The following PIWIL3 variants were observed in gnomAD, a reference collection of about 807,000 sequenced individuals.
PIWIL3 encodes piwi-like protein 3.
In PIWIL3, 101 loss-of-function variants were observed where a neutral mutation model predicts 109.7. That is an observed-to-expected ratio of 0.92 (90% CI 0.78 to 1.09). PIWIL3 has a LOEUF of 1.09. Ranked by LOEUF, PIWIL3 falls within the 50% of genes least tolerant of loss-of-function variation. PIWIL3 has a pLI of 0.00. For missense variants in PIWIL3, 1,031 were observed against 1,072.6 expected (o/e 0.96, Z 0.54); for synonymous variants, 373 against 376.4 (o/e 0.99, Z 0.10).
At chr22:24,759,774 G>A in intron 3 of PIWIL3, 95 bp downstream of exon 3, 1 of 1,552,642 alleles carries the variant, frequency 6.4e-7, no homozygotes. Flanking sequence ...AAACCTCACG[G>A]GAGTCCTGAG....
intron 1 of PIWIL3, among the ~76,000 whole-genome samples, chr22:24,765,576 G>A (rs1178473425): frequency 1.3e-5 from 2 of 151,462 alleles, no homozygotes; most frequent in Non-Finnish European, 3.0e-5. Flanking sequence ...GTAGATTGGG[G>A]TTGGGGAAGG....
At position 24,754,021 on chromosome 22, in the gene PIWIL3, G is replaced by A; in HGVS notation, c.970C>T (p.Leu324=). The stretch of plus-strand genomic sequence containing the variant: ...TTTAAAAGACAGACTTACTTTGTCA[G>A]AACAATTGATCCAATTAATTTATTA... ...VTNKLIGSIV[L]TKYNNKTYRV... is the part of the protein sequence containing the mutation. The change falls in exon 8 of 21, where the codon CTG becomes TTG. Residue 324 remains leucine, a synonymous_variant. Transcript: ENST00000616349. 6.2e-7 allele frequency: 1 copy of A among 1,603,368 alleles called. No homozygotes were observed. Among genetic ancestry groups the A allele is most frequent in the Non-Finnish European group, 8.5e-7 (1 of 1,170,238 alleles).
intron 6 of PIWIL3, among the ~76,000 whole-genome samples, chr22:24,755,569 G>A (rs1203730969): frequency 3.3e-5 from 5 of 152,132 alleles, no homozygotes; most frequent in Admixed American, 3.3e-4. Context: ...ACAAAGAACG[G>A]GCATCGGCCA....
intron 7 of PIWIL3, 86 bp downstream of exon 7, chr22:24,754,698 A>G (rs1246688697): frequency 1.8e-6 from 2 of 1,094,630 alleles, no homozygotes; most frequent in Non-Finnish European, 2.8e-6. Flanking sequence ...TTTAAGGCAT[A>G]CCACTTCAAA....
At chr22:24,731,729 T>TA (rs1923361802) in intron 14 of PIWIL3, among the ~76,000 whole-genome samples, 1 of 151,948 alleles carries the variant, frequency 6.6e-6, no homozygotes, top group Admixed American at 6.6e-5. Context: ...GCTTAGAAGG[T>TA]ATATAAGCTC....
At chr22:24,741,071 G>T (rs996219359) in intron 12 of PIWIL3, among the ~76,000 whole-genome samples, 5 of 152,168 alleles carry the variant, frequency 3.3e-5, no homozygotes. Flanking sequence ...ATGATCAAGT[G>T]GGCTTTGTAC....
chr22:24,758,362 C>T (rs1370869417), intron 3 of PIWIL3, among the ~76,000 whole-genome samples: 3 of 152,110 alleles, frequency 2.0e-5, no homozygotes, highest in Non-Finnish European at 4.4e-5. Flanking sequence ...GCTATGCTGC[C>T]CCCTAGTGGG....
Position 24,719,757 on chromosome 22 carries a change from A to T in PIWIL3, c.2496T>A (p.Tyr832Ter). 6.2e-7 allele frequency: 1 copy of T among 1,611,712 alleles called. No homozygotes were observed. Among genetic ancestry groups the T allele is most frequent in the Non-Finnish European group, 8.5e-7 (1 of 1,178,420 alleles). Reference protein sequence around the residue: ...RLTYCLCHMYYNLPGIIRVPA... With the variant: ...RLTYCLCHMY Reference sequence around the variant, plus strand: ...AACAAAAAGTACTTACTGGCAAATTATAATACATGTGGCATAGACAATATG... The same window carrying T: ...AACAAAAAGTACTTACTGGCAAATTTTAATACATGTGGCATAGACAATATG... Residue 832 changes from tyrosine to a stop codon, truncating the protein, a stop_gained, in exon 20 of 21, where the codon TAT becomes TAA. Transcript: ENST00000616349. LOFTEE classifies it low-confidence loss of function (END_TRUNC).
chr22:24,756,030 C>T (rs2147706677), intron 5 of PIWIL3, 125 bp from the exon 6 acceptor site: 1 of 995,360 alleles, frequency 1.0e-6, no homozygotes, highest in Non-Finnish European at 1.5e-6. Context: ...CAGTCTTTCC[C>T]ACAAAAGTAC....
At position 24,734,069 on chromosome 22, in the gene PIWIL3, C is replaced by T; in HGVS notation, c.1707+15G>A. On this transcript the variant is annotated intron_variant, in intron 14 of 20. Coordinates refer to ENST00000616349, the MANE Select transcript of PIWIL3 (RefSeq NM_001255975.1). ...AATAACTAAAAGATTGTACATGTAT[C>T]AACTAGACACTTACCATCTGCAGTG... is the stretch of plus-strand genomic sequence containing the variant. The T allele has an allele frequency of 3.7e-6, 6 of 1,601,850 alleles. No homozygotes were observed. Among genetic ancestry groups the T allele is most frequent in the Non-Finnish European group, 5.1e-6 (6 of 1,176,214 alleles).
chr22:24,730,555 AAAG>A (rs1923292435), intron 14 of PIWIL3, among the ~76,000 whole-genome samples: 1 of 152,150 alleles, frequency 6.6e-6, no homozygotes, highest in Non-Finnish European at 1.5e-5. Context: ...TGAAGGAGAA[AAAG>A]AATAATTATA....
intron 14 of PIWIL3, among the ~76,000 whole-genome samples, chr22:24,729,304 A>C (rs1923192146): frequency 6.6e-6 from 1 of 152,090 alleles, no homozygotes; most frequent in Non-Finnish European, 1.5e-5. Context: ...CCACACTCCT[A>C]AATTTTCTTG....
At chr22:24,723,858 A>T (rs1922826040) in intron 18 of PIWIL3, among the ~76,000 whole-genome samples, 1 of 151,978 alleles carries the variant, frequency 6.6e-6, no homozygotes, top group Admixed American at 6.6e-5. Flanking sequence ...TGTTTTTATT[A>T]GTAGAGATGG....
chr22:24,764,625 CGT>C (rs140531011), intron 1 of PIWIL3, among the ~76,000 whole-genome samples: 7,770 of 134,588 alleles, frequency 0.058, 234 homozygotes, highest in African/African-American at 0.074. Flanking sequence ...TTGACCTTGC[CGT>C]GTGTGTGTGT....
chr22:24,723,097 T>A, intron 19 of PIWIL3, 33 bp downstream of exon 19: 1 of 1,600,062 alleles, frequency 6.2e-7, no homozygotes, highest in African/African-American at 1.3e-5. Context: ...GAGAAAATCA[T>A]AGAACCATGT....
intron 4 of PIWIL3, among the ~76,000 whole-genome samples, chr22:24,757,587 G>T (rs1417240471): frequency 1.4e-5 from 1 of 70,530 alleles, no homozygotes; most frequent in Admixed American, 1.2e-4. Flanking sequence ...TTCTAGACCA[G>T]CAAGACCGTG....
chr22:24,771,026 A>T (rs1926105765), intron 1 of PIWIL3, among the ~76,000 whole-genome samples: 1 of 152,020 alleles, frequency 6.6e-6, no homozygotes, highest in Non-Finnish European at 1.5e-5. Flanking sequence ...GGGAGAAGAC[A>T]CATAGACCCT....
At chr22:24,767,655 T>A (rs2147731266) in intron 1 of PIWIL3, among the ~76,000 whole-genome samples, 1 of 151,200 alleles carries the variant, frequency 6.6e-6, no homozygotes, top group Middle Eastern at 3.5e-3. Context: ...AATGGGAATA[T>A]CATAAGGAAA....
rs140531011 is a variant in PIWIL3 at position 24,764,625 on chromosome 22, C to CGTGTGTGTGTGTGTGTGTGTGTGTGT, written c.-22-2130_-22-2105dup. ...TTTCTGTCATTCTTTTTGACCTTGC[C>CGTGTGTGTGTGTGTGTGTGTGTGTGT]GTGTGTGTGTGTGTGTGTGTGTGTG... On this transcript the variant is annotated intron_variant, in intron 1 of 20. Transcript: ENST00000616349. Among the ~76,000 whole-genome samples the CGTGTGTGTGTGTGTGTGTGTGTGTGT allele has an allele frequency of 2.4e-3, 322 of 134,678 alleles. 4 individuals are homozygous for CGTGTGTGTGTGTGTGTGTGTGTGTGT. The highest frequency in any genetic ancestry group is 4.4e-3 in the African/African-American group (153 of 34,504). The allele number at this position is 134,678 out of a possible 152,430, so 88.4% of individuals were successfully genotyped here.
Sources: allele counts gnomAD v4.1 joint callset (sites outside exome capture counted in the v4.1 genomes callset), GRCh38; gene constraint gnomAD v4.1.1; transcripts MANE v1.5; gene names NCBI Gene and HGNC (gene_info 2026-07-23, HGNC 2026-07-21).